The following ADARB1 variants were observed in gnomAD, a reference collection of about 807,000 sequenced individuals.
The protein encoded by ADARB1 is double-stranded RNA-specific editase 1.
Under a neutral mutation model 52.4 loss-of-function variants are expected in ADARB1, and 10 were observed. The ratio of observed to expected loss-of-function variants is 0.19; its 90% CI spans 0.12 to 0.32. The LOEUF is 0.32. Ranked by LOEUF, ADARB1 falls within the 10% of genes least tolerant of loss-of-function variation. ADARB1 has a pLI of 1.00. For synonymous variants in ADARB1, 349 were observed against 371.1 expected (o/e 0.94, Z 0.68); for missense variants, 643 against 922.3 (o/e 0.70, Z 3.92).
At chr21:45,193,427 T>G (rs1458239917) in intron 8 of ADARB1, among the ~76,000 whole-genome samples, 1 of 152,196 alleles carries the variant, frequency 6.6e-6, no homozygotes, top group Non-Finnish European at 1.5e-5. Context: ...AATCTACAGG[T>G]AATGTCATTC....
intron 2 of ADARB1, among the ~76,000 whole-genome samples, chr21:45,159,510 A>G (rs76788713): frequency 0.015 from 2,242 of 152,296 alleles, 52 homozygotes; most frequent in African/African-American, 0.051. Context: ...AATTCGTAGT[A>G]CTAGAATTAG....
chr21:45,155,887 ACCCTC>A (rs2090552541), intron 2 of ADARB1, among the ~76,000 whole-genome samples: 3 of 29,154 alleles, frequency 1.0e-4, no homozygotes, highest in East Asian at 9.5e-4. Context: ...CCACCCACCC[ACCCTC>A]ATCACCCATT....
intron 2 of ADARB1, among the ~76,000 whole-genome samples, chr21:45,138,143 ACATAATAGGAGCTTAAC>A (rs2089497035): frequency 6.6e-6 from 1 of 152,238 alleles, no homozygotes; most frequent in Non-Finnish European, 1.5e-5. Flanking sequence ...CAGAGATGCA[ACATAATAGGAGCTTAAC>A]CAAGAGAAAG....
intron 9 of ADARB1, among the ~76,000 whole-genome samples, chr21:45,209,549 G>T (rs3788183): frequency 1.3e-5 from 2 of 151,904 alleles, no homozygotes; most frequent in East Asian, 1.9e-4. Flanking sequence ...TGGATGTCTG[G>T]GCTCTGCCCT....
chr21:45,187,756 T>A (rs1379805381), intron 8 of ADARB1, among the ~76,000 whole-genome samples: 1 of 152,268 alleles, frequency 6.6e-6, no homozygotes, highest in Non-Finnish European at 1.5e-5. Context: ...ATGCTTTTTC[T>A]GCATCAATTG....
At chr21:45,167,058 C>A (rs2091280717) in intron 2 of ADARB1, among the ~76,000 whole-genome samples, 1 of 152,114 alleles carries the variant, frequency 6.6e-6, no homozygotes, top group African/African-American at 2.4e-5. Flanking sequence ...GTTTTATAAC[C>A]TTTGGTACAA....
Position 45,204,555 on chromosome 21 carries a change from C to T in ADARB1, c.1566C>T (p.Arg522=), listed in dbSNP as rs1475734231. The change falls in exon 9 of 11, where the codon CGC becomes CGT. Residue 522 remains arginine (R), a splice_region_variant and synonymous_variant. Transcript: ENST00000348831. This position sits in a 1 kb window ranked among gnomAD's most constrained non-coding sequence, Gnocchi z 4.4. ...LTMSCSDKIA[R]WNVVGIQGSL... ...AGACTGTGCTTTCTTCTCCCTCCAG[C>T]TGGAACGTGGTGGGCATCCAGGGAT... The T allele has an allele frequency of 6.2e-7, 1 of 1,613,954 alleles. No individual in the cohort carries two copies. Among genetic ancestry groups the T allele is most frequent in the Admixed American group, 1.7e-5 (1 of 60,004 alleles).
rs1003431834 is a variant in ADARB1, at chr21:45,223,683, G to A, written c.*1486G>A. On this transcript the variant is annotated 3_prime_UTR_variant, in exon 11 of 11. Transcript: ENST00000348831. ...GTTGGCACCTGTGTGTCCGTGATGA[G>A]CCTAGGAAACCAGAGCAGGGGCAGA... The A allele has an allele frequency of 1.3e-5, 13 of 985,444 alleles. No individual in the cohort carries two copies. The highest frequency in any genetic ancestry group is 1.4e-5 in the Non-Finnish European group (12 of 830,072). The allele number at this position is 985,444 out of a possible 1,614,324, so 61.0% of individuals were successfully genotyped here.
chr21:45,203,855 C>G lies in ADARB1; in HGVS notation c.1566-700C>G, dbSNP rs546271588. Among the ~76,000 whole-genome samples, 59 of 152,282 alleles carry G rather than the reference C, an allele frequency of 3.9e-4. 1 individual carries two copies. The highest frequency in any genetic ancestry group is 7.2e-4 in the Admixed American group (11 of 15,300). On this transcript the variant is annotated intron_variant, in intron 8 of 10. Coordinates refer to ENST00000348831, the MANE Select transcript of ADARB1 (RefSeq NM_001112.4). ...TGTGTCTCAAGACCCCCAGTAGACTCCTGAAACTGTAGATAGTACTGAACC... is the reference window on the plus strand; with the variant it reads ...TGTGTCTCAAGACCCCCAGTAGACTGCTGAAACTGTAGATAGTACTGAACC...
chr21:45,224,166 T>A lies in ADARB1; in HGVS notation c.*1969T>A, dbSNP rs2093015704. 1 of 985,364 alleles carries A rather than the reference T, an allele frequency of 1.0e-6. No homozygotes were observed. The highest frequency in any genetic ancestry group is 6.1e-5 in the Admixed American group (1 of 16,274). 61.0% of individuals were successfully genotyped at this position (985,364 alleles called of 1,614,324 possible). ...AATTGTATTTTTTTCTAATGGGGAT[T>A]GGGAGATGGACTTCGTTTTTAAAAA... On this transcript the variant is annotated 3_prime_UTR_variant, in exon 11 of 11. Coordinates refer to ENST00000348831, the MANE Select transcript of ADARB1 (RefSeq NM_001112.4).
At chr21:45,106,768 T>G (rs1173667358) in intron 1 of ADARB1, among the ~76,000 whole-genome samples, 3 of 152,154 alleles carry the variant, frequency 2.0e-5, no homozygotes, top group Non-Finnish European at 4.4e-5. Flanking sequence ...GGGGTGCAAA[T>G]TTGTCTCTTC....
In ADARB1 at chr21:45,222,181, TCTCA is replaced by T; in HGVS notation, c.2096_2099del (p.Leu699ArgfsTer107). The T allele has an allele frequency of 1.3e-6, 2 of 1,589,444 alleles. No homozygotes were observed. The highest frequency in any genetic ancestry group is 1.7e-6 in the Non-Finnish European group (2 of 1,169,482). On this transcript the variant is annotated frameshift_variant, in exon 11 of 11. Coordinates refer to ENST00000348831, the MANE Select transcript of ADARB1 (RefSeq NM_001112.4). LOFTEE classifies it high-confidence loss of function. ...GAGAAGCCCACCGAGCAGGACCAGTTCTCACTCACGCCCTGACCCGGGCAGACAT... is the reference window on the plus strand; with the variant it reads ...GAGAAGCCCACCGAGCAGGACCAGTTCTCACGCCCTGACCCGGGCAGACAT...
intron 2 of ADARB1, chr21:45,144,610 T>A (rs1209920163): frequency 2.2e-6 from 1 of 448,948 alleles, no homozygotes; most frequent in Middle Eastern, 3.3e-4. Context: ...ATTTTTATGT[T>A]TCTCTTCAAT....
intron 2 of ADARB1, among the ~76,000 whole-genome samples, chr21:45,143,343 C>T (rs1229099598): frequency 6.6e-6 from 1 of 152,228 alleles, no homozygotes; most frequent in Non-Finnish European, 1.5e-5. Flanking sequence ...TTCTCATTCC[C>T]TTGCCTTGCC....
intron 2 of ADARB1, among the ~76,000 whole-genome samples, chr21:45,160,338 A>T (rs1025010110): frequency 3.9e-4 from 59 of 152,366 alleles, no homozygotes; most frequent in African/African-American, 1.3e-3. Flanking sequence ...AGACGTTCGC[A>T]TAGTCTCTTT....
chr21:45,099,082 A>T (rs962894002), intron 1 of ADARB1, among the ~76,000 whole-genome samples: 1 of 152,188 alleles, frequency 6.6e-6, no homozygotes, highest in Non-Finnish European at 1.5e-5. Flanking sequence ...TTTAGAGGTG[A>T]CATGTGATAG....
rs1221569331 is a variant in ADARB1 at position 45,157,805 on chromosome 21, T to C, written c.-47-13805T>C. Among the ~76,000 whole-genome samples the C allele has an allele frequency of 1.3e-5, 2 of 152,192 alleles. No individual in the cohort carries two copies. The highest frequency in any genetic ancestry group is 2.9e-5 in the Non-Finnish European group (2 of 68,044). On this transcript the variant is annotated intron_variant, in intron 2 of 10. Coordinates refer to ENST00000348831, the MANE Select transcript of ADARB1 (RefSeq NM_001112.4). The surrounding 1 kb of genome is among the most constrained non-coding windows in gnomAD (Gnocchi z 4.1). ...TGGCCCTCGAAGTCACTCAGGGACC[T>C]AGGTTTCTTCCATCCTTAAGCTCTG...
intron 9 of ADARB1, among the ~76,000 whole-genome samples, chr21:45,216,402 A>T (rs936601400): frequency 1.3e-5 from 2 of 151,946 alleles, no homozygotes; most frequent in African/African-American, 4.8e-5. Flanking sequence ...AGTTGAGGTC[A>T]TTGTTTTAAG....
intron 1 of ADARB1, among the ~76,000 whole-genome samples, chr21:45,077,666 A>G (rs960116504): frequency 1.4e-5 from 2 of 140,912 alleles, no homozygotes; most frequent in Non-Finnish European, 3.1e-5. Flanking sequence ...GACGCCGTCT[A>G]AAAAAAAAAA....
Sources: gnomAD v4.1 joint callset for allele counts (sites outside exome capture counted in the v4.1 genomes callset) on GRCh38, gnomAD v4.1.1 for gene constraint, Gnocchi (gnomAD v3.1) non-coding constraint, MANE v1.5 for transcripts, NCBI Gene and HGNC (gene_info 2026-07-23, HGNC 2026-07-21) for gene names.